Variants in TMEM135 observed in about 807,000 individuals in gnomAD.
TMEM135 encodes the protein transmembrane protein 135, also known as peroxisomal membrane protein 52.
Under a neutral mutation model 60.3 loss-of-function variants are expected in TMEM135, and 30 were observed. The ratio of observed to expected loss-of-function variants is 0.50; its 90% CI spans 0.37 to 0.68. The LOEUF (loss-of-function observed/expected upper bound fraction) is 0.68. TMEM135 is among the 30% of genes least tolerant of loss of function. The pLI is 0.00. For missense variants in TMEM135, 468 were observed against 548.8 expected, an observed-to-expected ratio of 0.85 and a Z score of 1.47; for synonymous variants, 190 against 186.7, an observed-to-expected ratio of 1.02 and a Z score of -0.14.
In TMEM135 at chr11:87,246,874, A is replaced by G. The variant is rs1305153498; in HGVS notation, c.509+10190A>G. 2.0e-4 allele frequency among the ~76,000 whole-genome samples: 25 copies of G among 126,462 alleles called. 1 individual carries two copies. The highest frequency in any genetic ancestry group is 6.0e-4 in the East Asian group (3 of 4,980). 83.0% of individuals were successfully genotyped at this position (126,462 alleles called of 152,430 possible). A position where few individuals can be genotyped will look rare whatever the true frequency, so the allele number is the denominator to read the frequency against. On this transcript the variant is annotated intron_variant, in intron 6 of 14. Coordinates refer to ENST00000305494, the MANE Select transcript of TMEM135 (RefSeq NM_022918.4). ...ACTCGTCAAAGTCATTCTCCGTCCAACGTTGTTCCATTGCTGGTGAGGAGC... is the reference window on the plus strand; with the variant it reads ...ACTCGTCAAAGTCATTCTCCGTCCAGCGTTGTTCCATTGCTGGTGAGGAGC...
intron 1 of TMEM135, among the ~76,000 whole-genome samples, chr11:87,067,373 A>G (rs984359051): frequency 1.3e-5 from 2 of 151,766 alleles, no homozygotes; most frequent in Non-Finnish European, 2.9e-5. Context: ...TTTATTTGAA[A>G]TGGAATTTTT....
chr11:87,298,327 G>T (rs541872475), intron 7 of TMEM135, among the ~76,000 whole-genome samples: 1 of 152,086 alleles, frequency 6.6e-6, no homozygotes, highest in African/African-American at 2.4e-5. Flanking sequence ...ATCATAAAAT[G>T]GCTTAAGGAA....
chr11:87,099,682 G>GT lies in TMEM135; in HGVS notation c.396+8307dup, dbSNP rs57019125. Among the ~76,000 whole-genome samples the GT allele has an allele frequency of 4.8e-3, 529 of 109,356 alleles. 11 individuals carry two copies. Among genetic ancestry groups the GT allele is most frequent in the African/African-American group, 0.012 (355 of 28,966 alleles). The allele number at this position is 109,356 out of a possible 152,430, so 71.7% of individuals were successfully genotyped here. A position where few individuals can be genotyped will look rare whatever the true frequency, so the allele number is the denominator to read the frequency against. On this transcript the variant is annotated intron_variant, in intron 4 of 14. Coordinates refer to ENST00000305494, the MANE Select transcript of TMEM135 (RefSeq NM_022918.4). ...TATTGTGGTTACATGTTTCATGGTGGTTTTTTTTTTTTTTTTTTTTGAGGC... is the reference window on the plus strand; with the variant it reads ...TATTGTGGTTACATGTTTCATGGTGGTTTTTTTTTTTTTTTTTTTTTGAGGC...
At chr11:87,271,871 G>A (rs1941870109) in intron 6 of TMEM135, among the ~76,000 whole-genome samples, 1 of 151,724 alleles carries the variant, frequency 6.6e-6, no homozygotes, top group Non-Finnish European at 1.5e-5. Context: ...AGGAAGTCGA[G>A]GCTGCATTGA....
chr11:87,111,080 G>A (rs1857732291), intron 4 of TMEM135, among the ~76,000 whole-genome samples: 1 of 152,080 alleles, frequency 6.6e-6, no homozygotes, highest in South Asian at 2.1e-4. Context: ...TTAAAATGTA[G>A]TTTCCTAAAC....
chr11:87,155,959 G>C (rs1055821686), intron 4 of TMEM135, among the ~76,000 whole-genome samples: 2 of 152,166 alleles, frequency 1.3e-5, no homozygotes, highest in African/African-American at 4.8e-5. Context: ...GATTCAAATG[G>C]ACAGTATGTA....
intron 6 of TMEM135, among the ~76,000 whole-genome samples, chr11:87,287,641 C>T (rs1942191153): frequency 1.3e-5 from 2 of 152,216 alleles, no homozygotes; most frequent in Admixed American, 1.3e-4. Context: ...CACACCACTG[C>T]ACTCCAGCCT....
At chr11:87,114,282 C>T (rs1416594123) in intron 4 of TMEM135, among the ~76,000 whole-genome samples, 2 of 152,042 alleles carry the variant, frequency 1.3e-5, no homozygotes, top group African/African-American at 4.8e-5. Flanking sequence ...CTATTCAGCA[C>T]ATCTTGCAAG....
intron 5 of TMEM135, among the ~76,000 whole-genome samples, chr11:87,177,087 T>C (rs879480759): frequency 5.9e-5 from 9 of 152,172 alleles, no homozygotes; most frequent in East Asian, 1.9e-4. Context: ...AGAATCACAG[T>C]TGACCGTAAA....
Position 87,324,400 on chromosome 11 carries a change from AT to A in TMEM135, c.*3069del, listed in dbSNP as rs1208811913. On this transcript the variant is annotated 3_prime_UTR_variant, in exon 15 of 15. Coordinates refer to ENST00000305494, the MANE Select transcript of TMEM135 (RefSeq NM_022918.4). ...GAGCAGAGAAATTATTAGCCCAGAG[AT>A]TCCTTAAATTCTCCGTGTGATTTAT... is the stretch of plus-strand genomic sequence containing the variant. 1.5e-5 allele frequency: 7 copies of A among 453,770 alleles called. No homozygotes were observed. The Admixed American group carries it at 1.6e-4, about 11-fold the overall frequency. The allele number at this position is 453,770 out of a possible 1,614,324, so 28.1% of individuals were successfully genotyped here.
At chr11:87,208,297 T>C (rs560908928) in intron 5 of TMEM135, among the ~76,000 whole-genome samples, 5 of 152,312 alleles carry the variant, frequency 3.3e-5, no homozygotes, top group African/African-American at 1.2e-4. Flanking sequence ...CAAGAGTTGA[T>C]TGAGACCCAC....
intron 4 of TMEM135, among the ~76,000 whole-genome samples, chr11:87,106,318 G>A (rs1448347101): frequency 6.6e-6 from 1 of 152,010 alleles, no homozygotes; most frequent in Non-Finnish European, 1.5e-5. Context: ...TGGCCAGGCT[G>A]GTCTCGAACT....
chr11:87,321,285 T>C lies in TMEM135; in HGVS notation c.1329T>C (p.Asp443=). The change falls in exon 15 of 15, where the codon GAT becomes GAC. Residue 443 remains aspartate (D), a synonymous_variant. Coordinates refer to ENST00000305494, the MANE Select transcript of TMEM135 (RefSeq NM_022918.4). Reference sequence around the variant, plus strand: ...TTCAGGATTTCATCCCCAGGTTGGATCCAAGATACACAACTGTAACACCAG... The same window carrying C: ...TTCAGGATTTCATCCCCAGGTTGGACCCAAGATACACAACTGTAACACCAG... ...KHFQDFIPRL[D]PRYTTVTPEL... 1 of 1,613,752 alleles carries C rather than the reference T, an allele frequency of 6.2e-7. No individual in the cohort carries two copies. The highest frequency in any genetic ancestry group is 8.5e-7 in the Non-Finnish European group (1 of 1,179,728).
At chr11:87,041,380 A>G (rs1225990448) in intron 1 of TMEM135, among the ~76,000 whole-genome samples, 1 of 151,990 alleles carries the variant, frequency 6.6e-6, no homozygotes, top group African/African-American at 2.4e-5. Flanking sequence ...CAAAGGGGTT[A>G]CAAGTACAAA....
At chr11:87,114,476 A>G (rs1857828503) in intron 4 of TMEM135, among the ~76,000 whole-genome samples, 1 of 152,166 alleles carries the variant, frequency 6.6e-6, no homozygotes, top group African/African-American at 2.4e-5. Flanking sequence ...GGAAGGTGAT[A>G]GTCCAAATAT....
chr11:87,310,539 C>T (rs1942623425), intron 10 of TMEM135, among the ~76,000 whole-genome samples: 1 of 151,122 alleles, frequency 6.6e-6, no homozygotes, highest in Non-Finnish European at 1.5e-5. Flanking sequence ...TGGGATCAAT[C>T]ATACCCCAAA....
intron 6 of TMEM135, among the ~76,000 whole-genome samples, chr11:87,272,743 T>G (rs1284552985): frequency 6.6e-6 from 1 of 152,204 alleles, no homozygotes; most frequent in Non-Finnish European, 1.5e-5. Context: ...ACTACAGATG[T>G]GAGCCATCAT....
chr11:87,189,098 CG>C (rs1238075505), intron 5 of TMEM135, among the ~76,000 whole-genome samples: 11 of 129,098 alleles, frequency 8.5e-5, no homozygotes, highest in Non-Finnish European at 8.8e-5. Context: ...CTTCCTTTTC[CG>C]TTTCCCTTTT....
chr11:87,185,137 T>A (rs1343359527), intron 5 of TMEM135, among the ~76,000 whole-genome samples: 2 of 152,160 alleles, frequency 1.3e-5, no homozygotes, highest in Non-Finnish European at 2.9e-5. Context: ...TTTCAGTATG[T>A]ATCCTTAGAA....
Sources: allele counts gnomAD v4.1 joint callset (sites outside exome capture counted in the v4.1 genomes callset), GRCh38; gene constraint gnomAD v4.1.1; transcripts MANE v1.5; gene names NCBI Gene and HGNC (gene_info 2026-07-23, HGNC 2026-07-21).